CXCR4: variants seen among roughly 807,000 people sequenced by gnomAD.
The protein encoded by CXCR4 is C-X-C chemokine receptor type 4.
A neutral mutation model predicts 22.4 loss-of-function variants in CXCR4; 6 were observed. The ratio of observed to expected loss-of-function variants is 0.27; its 90% CI spans 0.15 to 0.53. The LOEUF is 0.53. Ranked by LOEUF, CXCR4 falls within the 20% of genes least tolerant of loss-of-function variation. The pLI is 0.96. For synonymous variants in CXCR4, 155 were observed against 171.7 expected (o/e 0.90, Z 0.76); for missense variants, 300 against 430.4 (o/e 0.70, Z 2.68).
At position 136,117,973 on chromosome 2, in the gene CXCR4, G is replaced by A. The variant is rs1352723115; in HGVS notation, c.15+73C>T. The A allele has an allele frequency of 9.5e-6, 14 of 1,469,886 alleles. 1 individual carries two copies. In the South Asian group the frequency reaches 1.5e-4, roughly 16 times the overall value. The allele number at this position is 1,469,886 out of a possible 1,614,324, so 91.1% of individuals were successfully genotyped here. ...TCCAATGTCCTGGCCGCTTCTGCCC[G>A]CTCGGAGAGGGGCTGCGCTCTAAGT... On this transcript the variant is annotated intron_variant, in intron 1 of 1. Coordinates refer to ENST00000241393, the MANE Select transcript of CXCR4 (RefSeq NM_003467.3).
chr2:136,117,533 T>C (rs1029319458), intron 1 of CXCR4: 9 of 156,020 alleles, frequency 5.8e-5, no homozygotes, highest in African/African-American at 2.2e-4. Flanking sequence ...ACGCACCCAG[T>C]GTCAAGAACA....
chr2:136,116,789 G>A (rs1039587092), intron 1 of CXCR4, among the ~76,000 whole-genome samples: 50 of 152,268 alleles, frequency 3.3e-4, no homozygotes, highest in Admixed American at 1.1e-3. Flanking sequence ...CACTGATCCA[G>A]TTAACCCGGC....
chr2:136,117,032 C>A (rs1684916204), intron 1 of CXCR4, among the ~76,000 whole-genome samples: 4 of 152,354 alleles, frequency 2.6e-5, no homozygotes, highest in Admixed American at 2.6e-4. Flanking sequence ...CCAAAAACTC[C>A]CTAGCAAGAG....
rs759904341 is a variant in CXCR4 at position 136,115,929 on chromosome 2, G to C, written c.16-17C>G. 1.2e-6 allele frequency: 2 copies of C among 1,614,078 alleles called. No individual in the cohort carries two copies. On this transcript the variant is annotated splice_polypyrimidine_tract_variant and intron_variant, in intron 1 of 1. Transcript: ENST00000241393. The surrounding 1 kb of genome is among the most constrained non-coding windows in gnomAD (Gnocchi z 6.4). ...AGTGTATATCTGCAAAAGAGGCAAA[G>C]GAATGGACATTCACTTCCAATTCAG...
chr2:136,118,115 G>A lies in CXCR4; in HGVS notation c.-55C>T, dbSNP rs1684971425. 4 of 1,593,678 alleles carry A rather than the reference G, an allele frequency of 2.5e-6. No individual in the cohort carries two copies. Among genetic ancestry groups the A allele is most frequent in the East Asian group, 2.2e-5 (1 of 44,612 alleles). ...CTACTGGAGCACTCAGGCCCTCGGC[G>A]TCACTTTGCTACCTGCTGCCGCAGC... On this transcript the variant is annotated 5_prime_UTR_variant, in exon 1 of 2. In the 5' UTR this introduces an upstream ATG that the reference lacks. Coordinates refer to ENST00000241393, the MANE Select transcript of CXCR4 (RefSeq NM_003467.3).
In CXCR4 at chr2:136,118,105, G is replaced by C. The variant is rs1328005149; in HGVS notation, c.-45C>G. 6.8e-6 allele frequency: 11 copies of C among 1,607,858 alleles called. No homozygotes were observed. Among genetic ancestry groups the C allele is most frequent in the Non-Finnish European group, 8.5e-6 (10 of 1,175,344 alleles). On this transcript the variant is annotated 5_prime_UTR_variant, in exon 1 of 2. Transcript: ENST00000241393. Reference sequence around the variant, plus strand: ...GATGCGGTGGCTACTGGAGCACTCAGGCCCTCGGCGTCACTTTGCTACCTG... The same window carrying C: ...GATGCGGTGGCTACTGGAGCACTCACGCCCTCGGCGTCACTTTGCTACCTG...
rs1175083097 is a variant in CXCR4, at chr2:136,118,069, C to A, written c.-9G>T. The A allele has an allele frequency of 1.2e-6, 2 of 1,613,748 alleles. No individual in the cohort carries two copies. Among genetic ancestry groups the A allele is most frequent in the East Asian group, 4.5e-5 (2 of 44,878 alleles). The stretch of plus-strand genomic sequence containing the variant: ...ACACTGATCCCCTCCATGGTAACCG[C>A]TGGTTCTCCAGATGCGGTGGCTACT... On this transcript the variant is annotated 5_prime_UTR_variant, in exon 1 of 2. Transcript: ENST00000241393.
chr2:136,114,971 A>C lies in CXCR4; in HGVS notation c.957T>G (p.Ser319=). The C allele has an allele frequency of 1.4e-5, 23 of 1,614,112 alleles. No homozygotes were observed. Among genetic ancestry groups the C allele is most frequent in the Non-Finnish European group, 1.9e-5 (23 of 1,179,994 alleles). Reference sequence around the variant, plus strand: ...TCTTGAGGCTGGACCCTCTGCTCACAGAGGTGAGTGCGTGCTGGGCAGAGG... The same window carrying C: ...TCTTGAGGCTGGACCCTCTGCTCACCGAGGTGAGTGCGTGCTGGGCAGAGG... ...FKTSAQHALT[S]VSRGSSLKIL... is the part of the protein sequence containing the mutation. Residue 319 remains serine (S), a synonymous_variant, in exon 2 of 2, where the codon TCT becomes TCG. Transcript: ENST00000241393.
In CXCR4 at chr2:136,114,570, T is replaced by G; in HGVS notation, c.*299A>C. On this transcript the variant is annotated 3_prime_UTR_variant, in exon 2 of 2. Transcript: ENST00000241393. ...TGCATAAACAGCTGGGGATCATTTC[T>G]AGCTTTACGTGATTCACTACACGCT... The G allele has an allele frequency of 3.4e-6, 1 of 296,834 alleles. No homozygotes were observed. The highest frequency in any genetic ancestry group is 6.4e-6 in the Non-Finnish European group (1 of 156,470). The allele number at this position is 296,834 out of a possible 1,614,324, so 18.4% of individuals were successfully genotyped here. A position where few individuals can be genotyped will look rare whatever the true frequency, so the allele number is the denominator to read the frequency against.
intron 1 of CXCR4, 41 bp downstream of exon 1, chr2:136,118,005 G>A (rs1241767687): frequency 2.5e-6 from 4 of 1,608,694 alleles, no homozygotes; most frequent in Admixed American, 1.7e-5. Flanking sequence ...AAGTTCAAAC[G>A]TTTGTACATT....
At chr2:136,117,733 A>C in intron 1 of CXCR4, 2 of 344,582 alleles carry the variant, frequency 5.8e-6, no homozygotes, top group Middle Eastern at 8.5e-4. Context: ...ACTTGTGCAC[A>C]GAATGTTCTT....
At position 136,114,689 on chromosome 2, in the gene CXCR4, T is replaced by C. The variant is rs1194622638; in HGVS notation, c.*180A>G. On this transcript the variant is annotated 3_prime_UTR_variant, in exon 2 of 2. Transcript: ENST00000241393. ...GGTCCTGCCTAGACACACATCAATA[T>C]GAAACAAAAAAAATTTATATAAATA... 1.1e-5 allele frequency: 6 copies of C among 563,494 alleles called. No individual in the cohort carries two copies. The highest frequency in any genetic ancestry group is 7.6e-5 in the African/African-American group (4 of 52,800). The allele number at this position is 563,494 out of a possible 1,614,324, so 34.9% of individuals were successfully genotyped here.
At position 136,115,791 on chromosome 2, in the gene CXCR4, G is replaced by C. The variant is rs147467366; in HGVS notation, c.137C>G (p.Ser46Cys). 10 of 1,614,194 alleles carry C rather than the reference G, an allele frequency of 6.2e-6. No homozygotes were observed. The East Asian group carries it at 6.7e-5, about 11-fold the overall frequency. ...FNKIFLPTIY[S>C]IIFLTGIVGN... ...CACAATGCCAGTTAAGAAGATGATG[G>C]AGTAGATGGTGGGCAGGAAGATTTT... Residue 46 changes from serine to cysteine, a missense_variant, in exon 2 of 2, where the codon TCC (serine) becomes TGC (cysteine). Around this residue, in one of 3 missense-constraint regions of CXCR4, gnomAD observed 118 missense variants for 188.2 expected, o/e 0.63. Transcript: ENST00000241393. This position sits in a 1 kb window ranked among gnomAD's most constrained non-coding sequence, Gnocchi z 6.4.
chr2:136,114,534 G>A lies in CXCR4; in HGVS notation c.*335C>T, dbSNP rs1397562056. On this transcript the variant is annotated 3_prime_UTR_variant, in exon 2 of 2. Coordinates refer to ENST00000241393, the MANE Select transcript of CXCR4 (RefSeq NM_003467.3). The stretch of plus-strand genomic sequence containing the variant: ...AGGAAAAACGTTCCACGGGAATGGA[G>A]AGATTATCTATGCATAAACAGCTGG... The A allele has an allele frequency of 7.7e-6, 2 of 260,838 alleles. No individual in the cohort carries two copies. Among genetic ancestry groups the A allele is most frequent in the Admixed American group, 9.8e-5 (2 of 20,388 alleles). The allele number at this position is 260,838 out of a possible 1,614,324, so 16.2% of individuals were successfully genotyped here. A position where few individuals can be genotyped will look rare whatever the true frequency, so the allele number is the denominator to read the frequency against.
intron 1 of CXCR4, 97 bp downstream of exon 1, chr2:136,117,949 C>T (rs990714111): frequency 7.3e-6 from 8 of 1,096,670 alleles, no homozygotes; most frequent in Admixed American, 2.0e-5. Context: ...ACGGGTACCT[C>T]CAATGTCCTG....
At position 136,115,650 on chromosome 2, in the gene CXCR4, A is replaced by G; in HGVS notation, c.278T>C (p.Phe93Ser). The G allele has an allele frequency of 6.2e-7, 1 of 1,614,226 alleles. No individual in the cohort carries two copies. The highest frequency in any genetic ancestry group is 8.5e-7 in the Non-Finnish European group (1 of 1,180,030). ...ADLLFVITLP[F>S]WAVDAVANWY... ...GTTTGCCACGGCATCAACTGCCCAGAAGGGAAGCGTGATGACAAAGAGGAG... is the reference window on the plus strand; with the variant it reads ...GTTTGCCACGGCATCAACTGCCCAGGAGGGAAGCGTGATGACAAAGAGGAG... Residue 93 changes from phenylalanine (F) to serine (S), a missense_variant, in exon 2 of 2, where the codon TTC becomes TCC. Coordinates refer to ENST00000241393, the MANE Select transcript of CXCR4 (RefSeq NM_003467.3). This position sits in a 1 kb window ranked among gnomAD's most constrained non-coding sequence, Gnocchi z 6.4.
rs184539659 is a variant in CXCR4, at chr2:136,114,592, C to T, written c.*277G>A. The T allele has an allele frequency of 1.3e-3, 436 of 330,154 alleles. 1 individual carries two copies. The highest frequency in any genetic ancestry group is 4.6e-3 in the East Asian group (92 of 20,182). 20.5% of individuals were successfully genotyped at this position (330,154 alleles called of 1,614,324 possible). A position where few individuals can be genotyped will look rare whatever the true frequency, so the allele number is the denominator to read the frequency against. The stretch of plus-strand genomic sequence containing the variant: ...TTCTAGCTTTACGTGATTCACTACA[C>T]GCTCTGGAATGTTCAGTTCCCTTTT... On this transcript the variant is annotated 3_prime_UTR_variant, in exon 2 of 2. Coordinates refer to ENST00000241393, the MANE Select transcript of CXCR4 (RefSeq NM_003467.3).
At chr2:136,117,723 A>G (rs1684953097) in intron 1 of CXCR4, 2 of 290,996 alleles carry the variant, frequency 6.9e-6, no homozygotes, top group Admixed American at 1.1e-4. Context: ...CCTTCTCTGC[A>G]CTTGTGCACA....
In CXCR4 at chr2:136,118,103, CA is replaced by C. The variant is rs1410446663; in HGVS notation, c.-44del. ...CAGATGCGGTGGCTACTGGAGCACT[CA>C]GGCCCTCGGCGTCACTTTGCTACCT... is the stretch of plus-strand genomic sequence containing the variant. On this transcript the variant is annotated 5_prime_UTR_variant, in exon 1 of 2. Coordinates refer to ENST00000241393, the MANE Select transcript of CXCR4 (RefSeq NM_003467.3). The C allele has an allele frequency of 6.2e-7, 1 of 1,609,956 alleles. No individual in the cohort carries two copies. Among genetic ancestry groups the C allele is most frequent in the Non-Finnish European group, 8.5e-7 (1 of 1,176,966 alleles).
Sources: allele counts gnomAD v4.1 joint callset (sites outside exome capture counted in the v4.1 genomes callset), GRCh38; gene constraint gnomAD v4.1.1; regional missense constraint gnomAD v4.1.1; non-coding constraint Gnocchi (gnomAD v3.1); transcripts MANE v1.5; gene names NCBI Gene and HGNC (gene_info 2026-07-23, HGNC 2026-07-21).